The following STOM variants were observed in gnomAD, a reference collection of about 807,000 sequenced individuals.
The protein encoded by STOM is erythrocyte band 7 integral membrane protein.
A neutral mutation model predicts 30.6 loss-of-function variants in STOM; 25 were observed. The observed-to-expected ratio is 0.82, with a 90% CI of 0.60 to 1.14. STOM has a LOEUF of 1.14. Among genes scored for constraint, STOM ranks in the 50% most tolerant of loss-of-function variants. The pLI is 0.00. For missense variants in STOM, 292 were observed against 365.2 expected (o/e 0.80, Z 1.63); for synonymous variants, 118 against 130.8 (o/e 0.90, Z 0.67).
Position 121,339,752 on chromosome 9 carries a change from TTTG to T in STOM, c.*1447_*1449del. Reference sequence around the variant, plus strand: ...GTCTCCTAATATTATAGACTAAGAATTTGTTGTCCAGAGGAGCTGACCAGTTCC... The same window carrying T: ...GTCTCCTAATATTATAGACTAAGAATTTGTCCAGAGGAGCTGACCAGTTCC... On this transcript the variant is annotated 3_prime_UTR_variant, in exon 7 of 7. Coordinates refer to ENST00000286713, the MANE Select transcript of STOM (RefSeq NM_004099.6). 1 of 1,226,926 alleles carries T rather than the reference TTTG, an allele frequency of 8.2e-7. No homozygotes were observed. Among genetic ancestry groups the T allele is most frequent in the East Asian group, 3.2e-5 (1 of 31,396 alleles). The allele number at this position is 1,226,926 out of a possible 1,614,324, so 76.0% of individuals were successfully genotyped here. A position where few individuals can be genotyped will look rare whatever the true frequency, so the allele number is the denominator to read the frequency against.
chr9:121,339,411 G>T lies in STOM; in HGVS notation c.*1791C>A, dbSNP rs2064227040. 1.7e-6 allele frequency: 1 copy of T among 603,588 alleles called. No individual in the cohort carries two copies. Among genetic ancestry groups the T allele is most frequent in the Non-Finnish European group, 2.4e-6 (1 of 422,446 alleles). 37.4% of individuals were successfully genotyped at this position (603,588 alleles called of 1,614,324 possible). A position where few individuals can be genotyped will look rare whatever the true frequency, so the allele number is the denominator to read the frequency against. On this transcript the variant is annotated 3_prime_UTR_variant, in exon 7 of 7. Coordinates refer to ENST00000286713, the MANE Select transcript of STOM (RefSeq NM_004099.6). The stretch of plus-strand genomic sequence containing the variant: ...AAAATTCAAAATGTAAGTGCAACTT[G>T]AGTTTAAGTTGCACTGCTCCATACC...
chr9:121,367,531 A>C (rs952320872), intron 1 of STOM, among the ~76,000 whole-genome samples: 2 of 152,250 alleles, frequency 1.3e-5, no homozygotes, highest in African/African-American at 4.8e-5. Context: ...TGAAATAAAC[A>C]ATCAGTCTCC....
chr9:121,354,771 G>T, intron 2 of STOM, 98 bp from the exon 3 acceptor site: 3 of 827,776 alleles, frequency 3.6e-6, no homozygotes, highest in Non-Finnish European at 5.5e-6. Context: ...CAGATTAGAT[G>T]CCTCATCTTT....
At chr9:121,345,984 ATT>A (rs1564627563) in intron 6 of STOM, among the ~76,000 whole-genome samples, 1 of 151,536 alleles carries the variant, frequency 6.6e-6, no homozygotes, top group African/African-American at 2.4e-5. Flanking sequence ...ATTATTATTA[ATT>A]TTTTATTTAA....
Position 121,353,151 on chromosome 9 carries a change from TAA to T in STOM, c.321+67_321+68del, listed in dbSNP as rs2064354131. On this transcript the variant is annotated intron_variant, in intron 4 of 6. Transcript: ENST00000286713. ...AAATAAATAAATAAAGCCTACACTC[TAA>T]CTATTCTGTCCCTCATTGTAAAGCA... 15 of 791,270 alleles carry T rather than the reference TAA, an allele frequency of 1.9e-5. No homozygotes were observed. In the South Asian group the frequency reaches 2.9e-4, roughly 15 times the overall value. The allele number at this position is 791,270 out of a possible 1,614,324, so 49.0% of individuals were successfully genotyped here.
At chr9:121,353,554 G>A (rs541640654) in intron 3 of STOM, among the ~76,000 whole-genome samples, 1 of 152,180 alleles carries the variant, frequency 6.6e-6, no homozygotes, top group African/African-American at 2.4e-5. Flanking sequence ...GCCCCACTGG[G>A]ACCAATGCAA....
intron 1 of STOM, among the ~76,000 whole-genome samples, chr9:121,363,379 T>C (rs1487885339): frequency 6.6e-6 from 1 of 152,042 alleles, no homozygotes; most frequent in Non-Finnish European, 1.5e-5. Context: ...AAAACATATG[T>C]ATTCAGGATT....
intron 1 of STOM, among the ~76,000 whole-genome samples, chr9:121,361,380 CTTTTTTT>C (rs5900482): frequency 2.4e-5 from 1 of 41,082 alleles, no homozygotes; most frequent in Admixed American, 3.3e-4. Context: ...CACTTGTGGA[CTTTTTTT>C]TTTTTTTTTT....
intron 1 of STOM, among the ~76,000 whole-genome samples, chr9:121,357,494 C>T (rs1407201782): frequency 2.1e-5 from 3 of 143,264 alleles, no homozygotes; most frequent in Non-Finnish European, 4.6e-5. Flanking sequence ...GGCTGGAGTG[C>T]AGCAGCACAG....
At chr9:121,351,082 A>G (rs992608119) in intron 4 of STOM, among the ~76,000 whole-genome samples, 1 of 152,184 alleles carries the variant, frequency 6.6e-6, no homozygotes, top group African/African-American at 2.4e-5. Flanking sequence ...GAAACTTCAC[A>G]GGGGATCAGA....
intron 1 of STOM, among the ~76,000 whole-genome samples, chr9:121,360,349 T>C (rs1339851685): frequency 6.6e-6 from 1 of 152,198 alleles, no homozygotes; most frequent in East Asian, 1.9e-4. Context: ...TATTTTTTAA[T>C]CTAATATTTT....
chr9:121,345,914 C>G (rs1388999129), intron 6 of STOM, among the ~76,000 whole-genome samples: 1 of 152,084 alleles, frequency 6.6e-6, no homozygotes, highest in Non-Finnish European at 1.5e-5. Flanking sequence ...CTTTTCAGAG[C>G]TTCAATTTTT....
chr9:121,366,937 A>AG (rs1275328618), intron 1 of STOM, among the ~76,000 whole-genome samples: 2 of 151,230 alleles, frequency 1.3e-5, no homozygotes, highest in Non-Finnish European at 2.9e-5. Context: ...AAAAAAAAAA[A>AG]TTAGCTGGGT....
At position 121,341,194 on chromosome 9, in the gene STOM, T is replaced by C; in HGVS notation, c.*8A>G. On this transcript the variant is annotated 3_prime_UTR_variant, in exon 7 of 7. Transcript: ENST00000286713. ...TTCATGCTTGGAAGGCTAGCGCTCA[T>C]CTCTACACTAGCCTAGATGGCTGTG... The C allele has an allele frequency of 6.2e-7, 1 of 1,614,078 alleles. No individual in the cohort carries two copies. The highest frequency in any genetic ancestry group is 8.5e-7 in the Non-Finnish European group (1 of 1,180,018).
At chr9:121,342,623 A>G (rs2064256846) in intron 6 of STOM, among the ~76,000 whole-genome samples, 1 of 152,238 alleles carries the variant, frequency 6.6e-6, no homozygotes, top group Non-Finnish European at 1.5e-5. Flanking sequence ...TTAAGAGTTT[A>G]CTTACATATT....
In STOM at chr9:121,339,155, T is replaced by C. The variant is rs2064224597; in HGVS notation, c.*2047A>G. ...TGGAGAAACTTCTGCACTGGCACTG[T>C]GTTCCTAGAGCTCCTTCTATGCGTC... On this transcript the variant is annotated 3_prime_UTR_variant, in exon 7 of 7. Coordinates refer to ENST00000286713, the MANE Select transcript of STOM (RefSeq NM_004099.6). 1 of 152,520 alleles carries C rather than the reference T, an allele frequency of 6.6e-6. No homozygotes were observed. The highest frequency in any genetic ancestry group is 2.4e-5 in the African/African-American group (1 of 41,486). 9.4% of individuals were successfully genotyped at this position (152,520 alleles called of 1,614,324 possible).
intron 1 of STOM, among the ~76,000 whole-genome samples, chr9:121,361,684 G>A (rs2064454264): frequency 6.6e-6 from 1 of 152,132 alleles, no homozygotes; most frequent in Non-Finnish European, 1.5e-5. Context: ...CAATGCACCC[G>A]GCCACTTGTG....
Position 121,341,447 on chromosome 9 carries a change from C to T in STOM, c.661-39G>A, listed in dbSNP as rs374175310. On this transcript the variant is annotated intron_variant, in intron 6 of 6. Transcript: ENST00000286713. ...AAAGGAGGGGTTGAACTGGAGAAAA[C>T]CTCATGGGGACACACAGCACTCTTC... 9.3e-6 allele frequency: 15 copies of T among 1,611,200 alleles called. No homozygotes were observed. In the African/African-American group the frequency reaches 1.9e-4, roughly 20 times the overall value.
intron 1 of STOM, among the ~76,000 whole-genome samples, chr9:121,365,569 G>A (rs1434518590): frequency 6.7e-6 from 1 of 149,342 alleles, no homozygotes; most frequent in East Asian, 1.9e-4. Flanking sequence ...GGGTAACATC[G>A]TTTTCATTTA....
Sources: allele counts gnomAD v4.1 joint callset (sites outside exome capture counted in the v4.1 genomes callset), GRCh38; gene constraint gnomAD v4.1.1; transcripts MANE v1.5; gene names NCBI Gene and HGNC (gene_info 2026-07-23, HGNC 2026-07-21).